The following NUDT7 variants were observed in gnomAD, a reference collection of about 807,000 sequenced individuals.
NUDT7 encodes nudix hydrolase 7.
In NUDT7, 19 loss-of-function variants were observed where a neutral mutation model predicts 13.1. The ratio of observed to expected loss-of-function variants is 1.45; its 90% confidence interval spans 1.01 to 2.13. The LOEUF (loss-of-function observed/expected upper bound fraction) is 2.13. Ranked by LOEUF, NUDT7 falls within the 30% of genes most tolerant of loss-of-function variation. NUDT7 has a pLI of 0.00. For synonymous variants in NUDT7, 132 were observed against 109.7 expected (o/e 1.20, Z -1.27); for missense variants, 360 against 291.7 (o/e 1.23, Z -1.71).
At chr16:77,741,398 A>G in intron 3 of NUDT7, 184 bp from the exon 4 acceptor site, 1 of 568,220 alleles carries the variant, frequency 1.8e-6, no homozygotes, top group Non-Finnish European at 3.1e-6. Context: ...CATAGATGTC[A>G]CCTCAGGTAG....
chr16:77,740,612 C>T (rs1295644232), intron 3 of NUDT7, among the ~76,000 whole-genome samples: 24 of 152,098 alleles, frequency 1.6e-4, no homozygotes, highest in Non-Finnish European at 2.5e-4. Context: ...GGCATGATCT[C>T]GGCTCACTGC....
chr16:77,736,614 C>A, intron 3 of NUDT7: 1 of 214,296 alleles, frequency 4.7e-6, no homozygotes. Context: ...CTGAGATAAC[C>A]ACATCTTATT....
chr16:77,732,313 C>T (rs933406167), intron 2 of NUDT7, among the ~76,000 whole-genome samples: 8 of 148,390 alleles, frequency 5.4e-5, no homozygotes, highest in South Asian at 2.1e-4. Flanking sequence ...GGTCGACAGA[C>T]GAGAACACGT....
rs749580360 is a variant in NUDT7, at chr16:77,733,290, A to G, written c.190-2538A>G. 2.6e-5 allele frequency among the ~76,000 whole-genome samples: 4 copies of G among 152,216 alleles called. No individual in the cohort carries two copies. The South Asian group carries it at 8.3e-4, about 31-fold the overall frequency. On this transcript the variant is annotated intron_variant, in intron 2 of 3. Transcript: ENST00000268533. ...ACAGTTCTGGAGGCTGGGAAGTCCAAGATCAAGCTGCCAGAAGATTTGGAG... is the reference window on the plus strand; with the variant it reads ...ACAGTTCTGGAGGCTGGGAAGTCCAGGATCAAGCTGCCAGAAGATTTGGAG...
Position 77,738,610 on chromosome 16 carries a change from C to G in NUDT7, c.348+2624C>G, listed in dbSNP as rs370275284. 1.2e-3 allele frequency among the ~76,000 whole-genome samples: 176 copies of G among 152,252 alleles called. 2 individuals are homozygous for G. Among genetic ancestry groups the G allele is most frequent in the African/African-American group, 4.0e-3 (167 of 41,548 alleles). Reference sequence around the variant, plus strand: ...GCTGGGAGTGGAAGGGTGCTATTGGCTTTTCTCAAGTGATCTCGAGTCCCA... The same window carrying G: ...GCTGGGAGTGGAAGGGTGCTATTGGGTTTTCTCAAGTGATCTCGAGTCCCA... On this transcript the variant is annotated intron_variant, in intron 3 of 3. Coordinates refer to ENST00000268533, the MANE Select transcript of NUDT7 (RefSeq NM_001105663.3).
chr16:77,741,451 C>T (rs985734834), intron 3 of NUDT7, 131 bp from the exon 4 acceptor site: 8 of 917,102 alleles, frequency 8.7e-6, no homozygotes, highest in African/African-American at 6.5e-5. Flanking sequence ...AATTTGTTTC[C>T]GGAATAAGCT....
In NUDT7 at chr16:77,740,972, A is replaced by ATG. The variant is rs1192916719; in HGVS notation, c.349-606_349-605dup. ...ATATAAGACACATAATTATATATAT[A>ATG]TGTGTATGTACTATGAAATTTTTCC... On this transcript the variant is annotated intron_variant, in intron 3 of 3. Transcript: ENST00000268533. Among the ~76,000 whole-genome samples, 8 of 152,336 alleles carry ATG rather than the reference A, an allele frequency of 5.3e-5. No individual in the cohort carries two copies. The East Asian group carries it at 1.3e-3, about 26-fold the overall frequency.
intron 3 of NUDT7, chr16:77,736,796 A>G (rs1295109800): frequency 1.2e-5 from 2 of 166,328 alleles, no homozygotes; most frequent in African/African-American, 4.8e-5. Flanking sequence ...GTTCACCACA[A>G]CAACCTCATT....
intron 2 of NUDT7, among the ~76,000 whole-genome samples, chr16:77,726,522 T>G (rs1304937736): frequency 6.6e-6 from 1 of 152,060 alleles, no homozygotes; most frequent in Non-Finnish European, 1.5e-5. Context: ...TGAGGCTGGG[T>G]ATGGTGGCTC....
In NUDT7 at chr16:77,741,884, T is replaced by G. The variant is rs748575920; in HGVS notation, c.651T>G (p.Asn217Lys). 6.2e-7 allele frequency: 1 copy of G among 1,614,116 alleles called. No individual in the cohort carries two copies. The highest frequency in any genetic ancestry group is 1.1e-5 in the South Asian group (1 of 91,080). Residue 217 changes from asparagine (N) to lysine (K), a missense_variant, in exon 4 of 4, where the codon AAT becomes AAG. Asn to Lys is a moderately conservative substitution (Grantham distance 94). Coordinates refer to ENST00000268533, the MANE Select transcript of NUDT7 (RefSeq NM_001105663.3). ...KPTFEVQFNL[N>K]DVLASSEELF... Reference sequence around the variant, plus strand: ...CCTTTGAGGTTCAATTTAATCTTAATGATGTATTAGCATCCTCTGAAGAGT... The same window carrying G: ...CCTTTGAGGTTCAATTTAATCTTAAGGATGTATTAGCATCCTCTGAAGAGT...
intron 2 of NUDT7, among the ~76,000 whole-genome samples, chr16:77,730,402 A>G (rs1282559622): frequency 6.6e-6 from 1 of 152,156 alleles, no homozygotes; most frequent in Admixed American, 6.6e-5. Flanking sequence ...TATTTTACCT[A>G]ACATAATTTC....
chr16:77,725,707 A>G, intron 2 of NUDT7, 123 bp downstream of exon 2: 1 of 790,054 alleles, frequency 1.3e-6, no homozygotes, highest in South Asian at 1.9e-5. Context: ...TTGTGATGTC[A>G]GAGGCATACA....
intron 3 of NUDT7, among the ~76,000 whole-genome samples, chr16:77,740,815 T>G (rs1229633418): frequency 1.3e-5 from 2 of 152,198 alleles, no homozygotes; most frequent in African/African-American, 4.8e-5. Context: ...CCCAAAGTGC[T>G]GGGATTACAG....
chr16:77,725,342 C>A, intron 1 of NUDT7, 89 bp from the exon 2 acceptor site: 1 of 1,229,170 alleles, frequency 8.1e-7, no homozygotes, highest in South Asian at 1.5e-5. Context: ...CTCCTAAATA[C>A]ACAACAAAGC....
chr16:77,738,996 G>A (rs1372008160), intron 3 of NUDT7, among the ~76,000 whole-genome samples: 1 of 152,196 alleles, frequency 6.6e-6, no homozygotes, highest in African/African-American at 2.4e-5. Context: ...AGGGTGCTGG[G>A]AACTAGACTA....
chr16:77,725,550 A>C lies in NUDT7; in HGVS notation c.155A>C (p.Lys52Thr), dbSNP rs1172228977. 3 of 1,614,102 alleles carry C rather than the reference A, an allele frequency of 1.9e-6. No homozygotes were observed. The East Asian group carries it at 6.7e-5, about 36-fold the overall frequency. ...VLLPLVAKEG[K>T]LHLLFTVRSE... is the part of the protein sequence containing the mutation. ...TTGCCATTGGTGGCTAAAGAAGGAAAACTCCATTTGTTGTTCACCGTCCGG... is the reference window on the plus strand; with the variant it reads ...TTGCCATTGGTGGCTAAAGAAGGAACACTCCATTTGTTGTTCACCGTCCGG... The change falls in exon 2 of 4, where the codon AAA becomes ACA. Residue 52 changes from lysine to threonine, a missense_variant. Transcript: ENST00000268533.
At chr16:77,733,224 C>T (rs1050937284) in intron 2 of NUDT7, among the ~76,000 whole-genome samples, 5 of 152,190 alleles carry the variant, frequency 3.3e-5, no homozygotes, top group African/African-American at 1.2e-4. Flanking sequence ...TAACAAAACA[C>T]CTTAGACTGG....
intron 1 of NUDT7, among the ~76,000 whole-genome samples, chr16:77,723,592 C>CTTTTTG (rs371084451): frequency 8.0e-6 from 1 of 125,702 alleles, no homozygotes; most frequent in African/African-American, 3.1e-5. Context: ...TTTGTATACA[C>CTTTTTG]TTTTTTTTTT....
intron 3 of NUDT7, among the ~76,000 whole-genome samples, chr16:77,737,752 T>A (rs1473934958): frequency 2.6e-5 from 4 of 152,200 alleles, no homozygotes; most frequent in Non-Finnish European, 5.9e-5. Context: ...CCCAAAGTGC[T>A]CGGACTATAG....
Sources: allele counts gnomAD v4.1 joint callset (sites outside exome capture counted in the v4.1 genomes callset), GRCh38; gene constraint gnomAD v4.1.1; transcripts MANE v1.5; gene names NCBI Gene and HGNC (gene_info 2026-07-23, HGNC 2026-07-21).